The following ERBB4 variants were observed in gnomAD, a reference collection of about 807,000 sequenced individuals.
ERBB4 encodes erb-b2 receptor tyrosine kinase 4, also known as receptor tyrosine-protein kinase erbB-4.
A neutral mutation model predicts 158.0 loss-of-function variants in ERBB4; 42 were observed. The observed-to-expected ratio is 0.27, with a 90% CI of 0.21 to 0.34. ERBB4 has a LOEUF of 0.34. Among genes scored for constraint, ERBB4 ranks in the 10% least tolerant of loss-of-function variants. ERBB4 has a pLI of 1.00. For missense variants in ERBB4, 1,333 were observed against 1,624.1 expected, an observed-to-expected ratio of 0.82 and a Z score of 3.08; for synonymous variants, 583 against 558.7, an observed-to-expected ratio of 1.04 and a Z score of -0.61.
intron 19 of ERBB4, among the ~76,000 whole-genome samples, chr2:211,580,897 ATATATATAT>A (rs1477010616): frequency 0.34 from 2,843 of 8,456 alleles, 643 homozygotes; most frequent in African/African-American, 0.59. Flanking sequence ...ATATATATAT[ATATATATAT>A]ATATATATAT....
intron 20 of ERBB4, among the ~76,000 whole-genome samples, chr2:211,499,045 G>C (rs555387573): frequency 2.3e-4 from 35 of 152,268 alleles, no homozygotes; most frequent in African/African-American, 8.4e-4. Flanking sequence ...CGCTAGCACA[G>C]AGCCTAGTGC....
chr2:211,771,979 A>G (rs911766217), intron 4 of ERBB4, among the ~76,000 whole-genome samples: 1 of 152,214 alleles, frequency 6.6e-6, no homozygotes, highest in Non-Finnish European at 1.5e-5. Context: ...ACTAAATATT[A>G]AACTATATAA....
intron 1 of ERBB4, among the ~76,000 whole-genome samples, chr2:212,256,021 G>C (rs1055163180): frequency 2.7e-5 from 4 of 150,842 alleles, no homozygotes; most frequent in African/African-American, 9.7e-5. Context: ...TACAAATGGG[G>C]GGGGGTCTCA....
chr2:211,422,589 T>TATCA lies in ERBB4; in HGVS notation c.2867-489_2867-486dup, dbSNP rs532932623. On this transcript the variant is annotated intron_variant, in intron 23 of 27. Coordinates refer to ENST00000342788, the MANE Select transcript of ERBB4 (RefSeq NM_005235.3). Reference sequence around the variant, plus strand: ...ACTAGCTTGTCTAGTATAAAAATACTATCAGCAATTTTCAAGGTATGTATT... The same window carrying TATCA: ...ACTAGCTTGTCTAGTATAAAAATACTATCAATCAGCAATTTTCAAGGTATGTATT... 1.8e-3 allele frequency among the ~76,000 whole-genome samples: 267 copies of TATCA among 151,792 alleles called. 1 individual carries two copies. The highest frequency in any genetic ancestry group is 0.01 in the Middle Eastern group (3 of 294).
At chr2:211,803,294 TGGG>T (rs1371638153) in intron 3 of ERBB4, among the ~76,000 whole-genome samples, 2 of 152,140 alleles carry the variant, frequency 1.3e-5, no homozygotes, top group Non-Finnish European at 2.9e-5. Flanking sequence ...AGAATAGAAA[TGGG>T]GGGAAATATA....
At chr2:211,746,238 A>T (rs1192259899) in intron 5 of ERBB4, among the ~76,000 whole-genome samples, 1 of 152,124 alleles carries the variant, frequency 6.6e-6, no homozygotes, top group East Asian at 1.9e-4. Flanking sequence ...CAACAAAGAG[A>T]CAACCCATCA....
chr2:211,474,700 C>T (rs1008457121), intron 20 of ERBB4, among the ~76,000 whole-genome samples: 7 of 151,884 alleles, frequency 4.6e-5, no homozygotes, highest in Non-Finnish European at 8.8e-5. Context: ...GTAATATAAT[C>T]GAACAGATGA....
intron 3 of ERBB4, among the ~76,000 whole-genome samples, chr2:211,889,762 G>A (rs1390840659): frequency 6.6e-6 from 1 of 151,636 alleles, no homozygotes; most frequent in Non-Finnish European, 1.5e-5. Flanking sequence ...GAAGAATGCA[G>A]AAGCCTCAGG....
chr2:211,866,036 T>G lies in ERBB4; in HGVS notation c.422-77877A>C, dbSNP rs79430289. Among the ~76,000 whole-genome samples, 556 of 152,172 alleles carry G rather than the reference T, an allele frequency of 3.7e-3. 5 individuals carry two copies. The highest frequency in any genetic ancestry group is 0.012 in the African/African-American group (509 of 41,548). ...CACTTATACTGTGACCTATAAAAAC[T>G]ATCAGGAGAACGAGACCATCCTGGC... On this transcript the variant is annotated intron_variant, in intron 3 of 27. Transcript: ENST00000342788.
At chr2:212,052,660 C>A (rs2125399265) in intron 2 of ERBB4, among the ~76,000 whole-genome samples, 1 of 152,204 alleles carries the variant, frequency 6.6e-6, no homozygotes, top group South Asian at 2.1e-4. Flanking sequence ...GGTCTTGAAA[C>A]TCGAAACTTG....
intron 1 of ERBB4, among the ~76,000 whole-genome samples, chr2:212,328,117 G>GT (rs934559418): frequency 7.2e-5 from 11 of 151,798 alleles, no homozygotes; most frequent in African/African-American, 2.7e-4. Context: ...AAACTCAGTG[G>GT]TACTCATCTG....
At chr2:211,774,324 G>A (rs935738103) in intron 4 of ERBB4, among the ~76,000 whole-genome samples, 4 of 151,874 alleles carry the variant, frequency 2.6e-5, no homozygotes, top group African/African-American at 4.8e-5. Context: ...CCCCTGCCTC[G>A]GCCTCCCAAA....
intron 2 of ERBB4, among the ~76,000 whole-genome samples, chr2:212,079,603 A>G (rs2078376022): frequency 6.6e-6 from 1 of 152,120 alleles, no homozygotes; most frequent in Non-Finnish European, 1.5e-5. Context: ...TAATATAAGG[A>G]GATCATGAAC....
intron 3 of ERBB4, among the ~76,000 whole-genome samples, chr2:211,798,742 G>A (rs890435681): frequency 5.9e-5 from 9 of 152,036 alleles, no homozygotes; most frequent in African/African-American, 1.9e-4. Context: ...TTGGTGCCTA[G>A]CATAACAATT....
chr2:212,058,983 C>A (rs1440701409), intron 2 of ERBB4, among the ~76,000 whole-genome samples: 9 of 152,126 alleles, frequency 5.9e-5, no homozygotes, highest in African/African-American at 9.6e-5. Flanking sequence ...TTCAATTAGG[C>A]ATAGAGGAAG....
At chr2:211,942,432 CT>C (rs1559150007) in intron 3 of ERBB4, among the ~76,000 whole-genome samples, 1 of 151,794 alleles carries the variant, frequency 6.6e-6, no homozygotes, top group South Asian at 2.1e-4. Flanking sequence ...TCATAGCTCA[CT>C]GCAGCCTCGA....
At chr2:211,778,333 A>T (rs2075941378) in intron 4 of ERBB4, 1 of 152,186 alleles carries the variant, frequency 6.6e-6, no homozygotes, top group Admixed American at 6.5e-5. Context: ...GTTATTCGGC[A>T]CAAGGGCGGG....
intron 1 of ERBB4, among the ~76,000 whole-genome samples, chr2:212,344,916 T>C (rs1201276374): frequency 6.6e-6 from 1 of 152,116 alleles, no homozygotes; most frequent in African/African-American, 2.4e-5. Context: ...ATAATGGTAG[T>C]ACATCTCTCA....
chr2:212,298,886 C>G (rs1039798361), intron 1 of ERBB4, among the ~76,000 whole-genome samples: 1 of 151,522 alleles, frequency 6.6e-6, no homozygotes, highest in Admixed American at 6.6e-5. Flanking sequence ...ATAATTACCT[C>G]AAATAGTTAC....
Sources: allele counts gnomAD v4.1 joint callset (sites outside exome capture counted in the v4.1 genomes callset), GRCh38; gene constraint gnomAD v4.1.1; transcripts MANE v1.5; gene names NCBI Gene and HGNC (gene_info 2026-07-23, HGNC 2026-07-21).